The following ABCB8 variants were observed in gnomAD, a reference collection of about 807,000 sequenced individuals.
ABCB8 encodes ATP binding cassette subfamily B member 8, also known as mitochondrial potassium channel ATP-binding subunit.
In ABCB8, 52 loss-of-function variants were observed where a neutral mutation model predicts 73.0. The ratio of observed to expected loss-of-function variants is 0.71; its 90% CI spans 0.57 to 0.90. ABCB8 has a LOEUF of 0.90. ABCB8 is among the 40% of genes least tolerant of loss of function. The pLI, the probability that ABCB8 is intolerant of heterozygous loss-of-function variation, is 0.00. For synonymous variants in ABCB8, 428 were observed against 423.5 expected (o/e 1.01, Z -0.13); for missense variants, 909 against 974.6 (o/e 0.93, Z 0.90).
Position 151,033,781 on chromosome 7 carries a change from G to A in ABCB8, c.272G>A (p.Cys91Tyr). 6.2e-7 allele frequency: 1 copy of A among 1,614,078 alleles called. No homozygotes were observed. The highest frequency in any genetic ancestry group is 8.5e-7 in the Non-Finnish European group (1 of 1,179,988). Residue 91 changes from cysteine to tyrosine, a missense_variant, in exon 2 of 16, where the codon TGC becomes TAC. By Grantham distance (194) the Cys-to-Tyr change is radical. Transcript: ENST00000358849. Reference protein sequence around the residue: ...PMVLSKHPHLCLVALCEAEEA... With the variant: ...PMVLSKHPHLYLVALCEAEEA... ...GTACTGAGTAAGCATCCCCACCTCT[G>A]CCTTGTGGCCCTGTGTGAGGCAGAA...
rs1371850775 is a variant in ABCB8, at chr7:151,040,280, C to A, written c.1230C>A (p.Asn410Lys). ...ASQTVQRSMA[N>K]LSVLFGQVVR... ...CTTTTTCTGACAGGTCCATGGCCAACCTCTCTGTCCTGTTTGGGCAGGTGA... is the reference window on the plus strand; with the variant it reads ...CTTTTTCTGACAGGTCCATGGCCAAACTCTCTGTCCTGTTTGGGCAGGTGA... The change falls in exon 10 of 16, where the codon AAC becomes AAA. Residue 410 changes from asparagine to lysine, a missense_variant. Physicochemically the swap from Asn to Lys is moderately conservative, Grantham distance 94 (BLOSUM62 0). Coordinates refer to ENST00000358849, the MANE Select transcript of ABCB8 (RefSeq NM_007188.5). 1 of 1,613,226 alleles carries A rather than the reference C, an allele frequency of 6.2e-7. No individual in the cohort carries two copies. Among genetic ancestry groups the A allele is most frequent in the Non-Finnish European group, 8.5e-7 (1 of 1,179,652 alleles).
At chr7:151,029,052 G>A in intron 1 of ABCB8, 7 of 1,115,518 alleles carry the variant, frequency 6.3e-6, no homozygotes, top group Non-Finnish European at 7.9e-6. Context: ...GGCCGGGCGC[G>A]GTGGCTCGCT....
Position 151,041,144 on chromosome 7 carries a change from C to T in ABCB8, c.1529C>T (p.Thr510Met), listed in dbSNP as rs146497617. The change falls in exon 13 of 16, where the codon ACG becomes ATG. Residue 510 changes from threonine (T) to methionine (M), a missense_variant. By Grantham distance (81) the Thr-to-Met change is moderately conservative. Coordinates refer to ENST00000358849, the MANE Select transcript of ABCB8 (RefSeq NM_007188.5). ...ASLLERFYDP[T>M]AGVVMLDGRD... ...CTGCTGGAGCGCTTCTACGACCCCA[C>T]GGCAGGCGTGGTGATGCTGGATGGG... The T allele has an allele frequency of 8.7e-6, 14 of 1,612,416 alleles. No homozygotes were observed. Among genetic ancestry groups the T allele is most frequent in the Non-Finnish European group, 1.1e-5 (13 of 1,179,962 alleles).
chr7:151,031,509 T>A (rs1191520469), intron 1 of ABCB8: 2 of 525,428 alleles, frequency 3.8e-6, no homozygotes, highest in African/African-American at 3.8e-5. Context: ...ACTCTTTTTT[T>A]AAACCTTTCC....
intron 1 of ABCB8, chr7:151,031,358 G>A: frequency 6.6e-7 from 1 of 1,513,562 alleles, no homozygotes; most frequent in Non-Finnish European, 8.8e-7. Flanking sequence ...AAACCTGGCA[G>A]TTGGAATGGG....
Position 151,031,634 on chromosome 7 carries a change from C to CT in ABCB8, c.96-1957dup, listed in dbSNP as rs547031807. The CT allele has an allele frequency of 5.7e-3, 872 of 153,744 alleles. 2 individuals carry two copies. The highest frequency in any genetic ancestry group is 0.022 in the South Asian group (117 of 5,210). The allele number at this position is 153,744 out of a possible 1,614,324, so 9.5% of individuals were successfully genotyped here. ...CCAGCCCATGCCCCTCTGCTATGAT[C>CT]TTTTTTTTTTTTTTCAAGACAGAGT... On this transcript the variant is annotated intron_variant, in intron 1 of 15. Transcript: ENST00000358849.
chr7:151,034,269 C>T lies in ABCB8; in HGVS notation c.409-4C>T. 1 of 1,609,478 alleles carries T rather than the reference C, an allele frequency of 6.2e-7. No individual in the cohort carries two copies. The highest frequency in any genetic ancestry group is 8.5e-7 in the Non-Finnish European group (1 of 1,177,890). Reference sequence around the variant, plus strand: ...CATTTGTGCCCTCTGTCTCCCCATTCCAGCTGGCCTTGGGTGCGGCACTCG... The same window carrying T: ...CATTTGTGCCCTCTGTCTCCCCATTTCAGCTGGCCTTGGGTGCGGCACTCG... On this transcript the variant is annotated splice_polypyrimidine_tract_variant and splice_region_variant and intron_variant, in intron 2 of 15. Transcript: ENST00000358849.
At chr7:151,030,804 G>A (rs1330440715) in intron 1 of ABCB8, among the ~76,000 whole-genome samples, 1 of 152,128 alleles carries the variant, frequency 6.6e-6, no homozygotes, top group Non-Finnish European at 1.5e-5. Flanking sequence ...ACCAGGCATG[G>A]TGGTGGGCGC....
At chr7:151,034,471 G>C (rs777209111) in intron 3 of ABCB8, 34 bp from the exon 4 acceptor site, 3 of 1,613,702 alleles carry the variant, frequency 1.9e-6, no homozygotes, top group Admixed American at 1.7e-5. Flanking sequence ...GGAGCCACCC[G>C]AGGCATCCCT....
At position 151,046,682 on chromosome 7, in the gene ABCB8, C is replaced by T. The variant is rs1356477390; in HGVS notation, c.*1333C>T. On this transcript the variant is annotated 3_prime_UTR_variant, in exon 16 of 16. Transcript: ENST00000358849. Reference sequence around the variant, plus strand: ...GCACCTTCACAGCCAGGCAAGCATTCTGGATTTACCCTGTGTAAAGAAGGG... The same window carrying T: ...GCACCTTCACAGCCAGGCAAGCATTTTGGATTTACCCTGTGTAAAGAAGGG... The T allele has an allele frequency of 6.6e-6, 1 of 152,276 alleles. No homozygotes were observed. Among genetic ancestry groups the T allele is most frequent in the Non-Finnish European group, 1.5e-5 (1 of 68,082 alleles). 9.4% of individuals were successfully genotyped at this position (152,276 alleles called of 1,614,324 possible).
intron 1 of ABCB8, among the ~76,000 whole-genome samples, chr7:151,030,420 CAGG>C (rs1406434235): frequency 6.6e-6 from 1 of 152,060 alleles, no homozygotes; most frequent in African/African-American, 2.4e-5. Context: ...GAGGCTGAGG[CAGG>C]AGAATTGCTC....
intron 15 of ABCB8, among the ~76,000 whole-genome samples, chr7:151,044,482 AGC>A (rs1796562438): frequency 2.0e-5 from 3 of 152,154 alleles, no homozygotes; most frequent in Non-Finnish European, 2.9e-5. Flanking sequence ...GAAAAGTACT[AGC>A]CGGGTGCCTG....
Position 151,033,732 on chromosome 7 carries a change from G to C in ABCB8, c.223G>C (p.Gly75Arg), listed in dbSNP as rs777661867. ...RWSPSAWCWV[G>R]GALLGPMVLS... The stretch of plus-strand genomic sequence containing the variant: ...GAGCCCCTCTGCCTGGTGCTGGGTT[G>C]GGGGAGCCCTGCTAGGCCCCATGGT... The change falls in exon 2 of 16, where the codon GGG becomes CGG. Residue 75 changes from glycine (G) to arginine (R), a missense_variant. Coordinates refer to ENST00000358849, the MANE Select transcript of ABCB8 (RefSeq NM_007188.5). The C allele has an allele frequency of 6.2e-7, 1 of 1,613,904 alleles. No individual in the cohort carries two copies. The highest frequency in any genetic ancestry group is 8.5e-7 in the Non-Finnish European group (1 of 1,179,946).
chr7:151,045,515 G>A lies in ABCB8; in HGVS notation c.*166G>A, dbSNP rs2117247938. The A allele has an allele frequency of 1.0e-5, 9 of 873,350 alleles. No individual in the cohort carries two copies. Among genetic ancestry groups the A allele is most frequent in the Non-Finnish European group, 1.4e-5 (9 of 636,534 alleles). 54.1% of individuals were successfully genotyped at this position (873,350 alleles called of 1,614,324 possible). A position where few individuals can be genotyped will look rare whatever the true frequency, so the allele number is the denominator to read the frequency against. On this transcript the variant is annotated 3_prime_UTR_variant, in exon 16 of 16. Transcript: ENST00000358849. The stretch of plus-strand genomic sequence containing the variant: ...CCGGGGCCGAGCAGCTGGCAGGGGA[G>A]GCCAATCCCTCCCTCCCCTCCCCAG...
At chr7:151,037,049 C>T in intron 9 of ABCB8, 1 of 689,732 alleles carries the variant, frequency 1.4e-6, no homozygotes, top group Non-Finnish European at 2.7e-6. Flanking sequence ...CCGTCCGCCT[C>T]CAGAACTCTT....
intron 2 of ABCB8, 128 bp from the exon 3 acceptor site, chr7:151,034,145 A>C (rs1796239254): frequency 8.1e-7 from 1 of 1,237,812 alleles, no homozygotes; most frequent in Non-Finnish European, 1.1e-6. Flanking sequence ...ATGTGTCCAC[A>C]TGACCAGCCA....
intron 1 of ABCB8, among the ~76,000 whole-genome samples, chr7:151,032,676 G>A (rs1249103656): frequency 2.0e-5 from 3 of 150,764 alleles, no homozygotes; most frequent in African/African-American, 4.9e-5. Context: ...CCGGGGTGAC[G>A]GAGCGAGACT....
chr7:151,034,470 C>T (rs1227476936), intron 3 of ABCB8, 35 bp from the exon 4 acceptor site: 22 of 1,613,528 alleles, frequency 1.4e-5, no homozygotes, highest in African/African-American at 8.0e-5. Flanking sequence ...AGGAGCCACC[C>T]GAGGCATCCC....
chr7:151,040,984 G>T lies in ABCB8; in HGVS notation c.1483+62G>T. 9.3e-6 allele frequency: 15 copies of T among 1,606,060 alleles called. 2 individuals carry two copies. Among genetic ancestry groups the T allele is most frequent in the Middle Eastern group, 1.7e-4 (1 of 6,056 alleles). Reference sequence around the variant, plus strand: ...TTCTCTAGCAGCCACTCAGAGCAAGGCCGGGAGCAGTGAGCCCCCGGTGGG... The same window carrying T: ...TTCTCTAGCAGCCACTCAGAGCAAGTCCGGGAGCAGTGAGCCCCCGGTGGG... On this transcript the variant is annotated intron_variant, in intron 12 of 15. Coordinates refer to ENST00000358849, the MANE Select transcript of ABCB8 (RefSeq NM_007188.5).
Sources: gnomAD v4.1 joint callset for allele counts (sites outside exome capture counted in the v4.1 genomes callset) on GRCh38, gnomAD v4.1.1 for gene constraint, MANE v1.5 for transcripts, NCBI Gene and HGNC (gene_info 2026-07-23, HGNC 2026-07-21) for gene names.